The following SLAIN1 variants were observed in gnomAD, a reference collection of about 807,000 sequenced individuals.
The protein encoded by SLAIN1 is SLAIN motif-containing protein 1.
A neutral mutation model predicts 55.4 loss-of-function variants in SLAIN1; 17 were observed. The ratio of observed to expected loss-of-function variants is 0.31; its 90% CI spans 0.21 to 0.46. The LOEUF (loss-of-function observed/expected upper bound fraction) is 0.46, where lower values mean the gene tolerates loss of function less well. SLAIN1 is among the 20% of genes least tolerant of loss of function. SLAIN1 has a pLI of 1.00. For synonymous variants in SLAIN1, 348 were observed against 337.4 expected (o/e 1.03, Z -0.35); for missense variants, 682 against 785.1 (o/e 0.87, Z 1.57).
intron 4 of SLAIN1, among the ~76,000 whole-genome samples, chr13:77,748,811 A>G (rs1035235090): frequency 4.6e-5 from 7 of 152,164 alleles, no homozygotes; most frequent in African/African-American, 1.7e-4. Context: ...TCAACTGTCT[A>G]AGGTTCGGTT....
chr13:77,697,714 T>G lies in SLAIN1; in HGVS notation c.-200T>G. The G allele has an allele frequency of 3.6e-6, 1 of 275,850 alleles. No individual in the cohort carries two copies. The highest frequency in any genetic ancestry group is 6.2e-6 in the Non-Finnish European group (1 of 160,226). 17.1% of individuals were successfully genotyped at this position (275,850 alleles called of 1,614,324 possible). A position where few individuals can be genotyped will look rare whatever the true frequency, so the allele number is the denominator to read the frequency against. On this transcript the variant is annotated 5_prime_UTR_variant, in exon 1 of 7. Coordinates refer to ENST00000418532, the MANE Select transcript of SLAIN1 (RefSeq NM_001242868.2). ...GGACTGGAGGGACGCACTGAGCATG[T>G]GCAGATCAGCTCGGTGGTGGCTGCC...
At chr13:77,762,168 T>G (rs1392819766) in intron 6 of SLAIN1, among the ~76,000 whole-genome samples, 1 of 152,256 alleles carries the variant, frequency 6.6e-6, no homozygotes, top group Non-Finnish European at 1.5e-5. Context: ...TGTTTATTTA[T>G]TCAGTAAGTT....
intron 5 of SLAIN1, 120 bp downstream of exon 5, chr13:77,753,478 T>G: frequency 2.0e-6 from 1 of 509,848 alleles, no homozygotes; most frequent in Non-Finnish European, 2.8e-6. Flanking sequence ...ACACTAAACT[T>G]TTTTCCTTGC....
intron 3 of SLAIN1, 174 bp downstream of exon 3, chr13:77,744,606 G>A: frequency 1.1e-6 from 1 of 924,144 alleles, no homozygotes; most frequent in Non-Finnish European, 1.6e-6. Context: ...TCATGAGGTG[G>A]TAGGACTTAG....
rs536732313 is a variant in SLAIN1 at position 77,703,094 on chromosome 13, A to G, written c.626+4555A>G. ...AAATAAGTCAGCCAATATAAAATGC[A>G]GCCATATAAGGAGGCTTTATTTTAG... is the stretch of plus-strand genomic sequence containing the variant. On this transcript the variant is annotated intron_variant, in intron 1 of 6. Transcript: ENST00000418532. 3.4e-3 allele frequency among the ~76,000 whole-genome samples: 511 copies of G among 152,220 alleles called. 2 individuals carry two copies. Among genetic ancestry groups the G allele is most frequent in the Non-Finnish European group, 5.6e-3 (382 of 67,994 alleles).
chr13:77,760,586 C>T (rs1874938884), intron 5 of SLAIN1, among the ~76,000 whole-genome samples: 1 of 152,176 alleles, frequency 6.6e-6, no homozygotes, highest in African/African-American at 2.4e-5. Context: ...GGAGGCTGTG[C>T]TTAGAACTGG....
chr13:77,709,933 G>T lies in SLAIN1; in HGVS notation c.627-9599G>T, dbSNP rs192136681. On this transcript the variant is annotated intron_variant, in intron 1 of 6. Coordinates refer to ENST00000418532, the MANE Select transcript of SLAIN1 (RefSeq NM_001242868.2). Reference sequence around the variant, plus strand: ...TTACAGGCACCCACTACCAGGCCTGGGTAATTTTTTGTATTTTTAGTAGAG... The same window carrying T: ...TTACAGGCACCCACTACCAGGCCTGTGTAATTTTTTGTATTTTTAGTAGAG... Among the ~76,000 whole-genome samples, 474 of 152,116 alleles carry T rather than the reference G, an allele frequency of 3.1e-3. 1 individual carries two copies. The highest frequency in any genetic ancestry group is 0.01 in the Middle Eastern group (3 of 294).
In SLAIN1 at chr13:77,698,234, TGGCGGCAGCGGTAGTGGCAGC is replaced by T. The variant is rs1351035009; in HGVS notation, c.327_347del (p.Ser110_Gly116del). 5.2e-6 allele frequency: 7 copies of T among 1,341,284 alleles called. No homozygotes were observed. The highest frequency in any genetic ancestry group is 6.7e-6 in the Non-Finnish European group (7 of 1,042,880). 83.1% of individuals were successfully genotyped at this position (1,341,284 alleles called of 1,614,324 possible). On this transcript the variant is annotated inframe_deletion, in exon 1 of 7. Coordinates refer to ENST00000418532, the MANE Select transcript of SLAIN1 (RefSeq NM_001242868.2). This position sits in a 1 kb window ranked among gnomAD's most constrained non-coding sequence, Gnocchi z 4.1. Reference sequence around the variant, plus strand: ...GGCTGGCGCTGGGCGCGGGGGGCGGTGGCGGCAGCGGTAGTGGCAGCGGCGGTGGCTCCAGCCCCGCGTTCC... The same window carrying T: ...GGCTGGCGCTGGGCGCGGGGGGCGGTGGCGGTGGCTCCAGCCCCGCGTTCC...
intron 2 of SLAIN1, among the ~76,000 whole-genome samples, chr13:77,730,386 G>A (rs1222876145): frequency 6.6e-6 from 1 of 152,112 alleles, no homozygotes; most frequent in East Asian, 1.9e-4. Context: ...CATGGGTAAG[G>A]TTAGGCTTTA....
At position 77,719,688 on chromosome 13, in the gene SLAIN1, G is replaced by C. The variant is rs376357139; in HGVS notation, c.766+17G>C. ...TGGAGCAAGGTAATTGTGAGTGTGTGCATTTACATTCTCCAACTCTTGTCA... is the reference window on the plus strand; with the variant it reads ...TGGAGCAAGGTAATTGTGAGTGTGTCCATTTACATTCTCCAACTCTTGTCA... On this transcript the variant is annotated intron_variant, in intron 2 of 6. Transcript: ENST00000418532. 38 of 1,610,124 alleles carry C rather than the reference G, an allele frequency of 2.4e-5. No individual in the cohort carries two copies. In the African/African-American group the frequency reaches 4.8e-4, roughly 20 times the overall value.
Position 77,697,877 on chromosome 13 carries a change from G to C in SLAIN1, c.-37G>C. 7.7e-7 allele frequency: 1 copy of C among 1,299,234 alleles called. No individual in the cohort carries two copies. The highest frequency in any genetic ancestry group is 9.8e-7 in the Non-Finnish European group (1 of 1,022,940). The allele number at this position is 1,299,234 out of a possible 1,614,324, so 80.5% of individuals were successfully genotyped here. On this transcript the variant is annotated 5_prime_UTR_variant, in exon 1 of 7. Transcript: ENST00000418532. ...GCCCGAGGAGCCGGCGCGGCGGCGC[G>C]CACTCCCCGGCGGCCGCGGCGCCCT...
Position 77,763,401 on chromosome 13 carries a change from T to C in SLAIN1, c.*181T>C. On this transcript the variant is annotated 3_prime_UTR_variant, in exon 7 of 7. Coordinates refer to ENST00000418532, the MANE Select transcript of SLAIN1 (RefSeq NM_001242868.2). ...TAATTATTGCACTTAAATATTTGCC[T>C]GAGATACTGCAACATTCTCAAACCC... 1.7e-6 allele frequency: 1 copy of C among 585,466 alleles called. No homozygotes were observed. Among genetic ancestry groups the C allele is most frequent in the Non-Finnish European group, 3.0e-6 (1 of 331,034 alleles). The allele number at this position is 585,466 out of a possible 1,614,324, so 36.3% of individuals were successfully genotyped here. A position where few individuals can be genotyped will look rare whatever the true frequency, so the allele number is the denominator to read the frequency against.
chr13:77,738,364 G>A (rs367777958), intron 2 of SLAIN1, among the ~76,000 whole-genome samples: 7 of 151,920 alleles, frequency 4.6e-5, no homozygotes, highest in African/African-American at 9.7e-5. Flanking sequence ...AGGGAATGAG[G>A]GAGAATATAA....
rs146894472 is a variant in SLAIN1 at position 77,748,963 on chromosome 13, T to C, written c.1258+2108T>C. Among the ~76,000 whole-genome samples the C allele has an allele frequency of 3.9e-5, 6 of 152,332 alleles. No homozygotes were observed. In the East Asian group the frequency reaches 1.2e-3, roughly 29 times the overall value. The stretch of plus-strand genomic sequence containing the variant: ...GAAATAATGAATGTTACATTGCATG[T>C]AGCCTGGAGTGGATGTGCTAAATAA... On this transcript the variant is annotated intron_variant, in intron 4 of 6. Transcript: ENST00000418532.
At chr13:77,748,448 T>C (rs1400452967) in intron 4 of SLAIN1, among the ~76,000 whole-genome samples, 1 of 145,888 alleles carries the variant, frequency 6.9e-6, no homozygotes, top group African/African-American at 2.6e-5. Flanking sequence ...TAGAACATCG[T>C]AGTCAAGTTG....
At chr13:77,701,774 TTTA>T (rs2091033403) in intron 1 of SLAIN1, among the ~76,000 whole-genome samples, 1 of 151,954 alleles carries the variant, frequency 6.6e-6, no homozygotes, top group Admixed American at 6.6e-5. Flanking sequence ...TTATTTATTT[TTTA>T]TTATTATACT....
intron 5 of SLAIN1, among the ~76,000 whole-genome samples, chr13:77,757,313 G>A (rs184924920): frequency 1.3e-4 from 20 of 152,184 alleles, no homozygotes; most frequent in East Asian, 3.9e-4. Flanking sequence ...GAGATGATTC[G>A]TCAACCAAGA....
At chr13:77,712,173 C>T (rs913644485) in intron 1 of SLAIN1, among the ~76,000 whole-genome samples, 3 of 152,154 alleles carry the variant, frequency 2.0e-5, no homozygotes, top group African/African-American at 4.8e-5. Context: ...CAAAGATGCC[C>T]TCTCTCACCA....
In SLAIN1 at chr13:77,743,273, G is replaced by A. The variant is rs1273751010; in HGVS notation, c.767-1010G>A. On this transcript the variant is annotated intron_variant, in intron 2 of 6. Coordinates refer to ENST00000418532, the MANE Select transcript of SLAIN1 (RefSeq NM_001242868.2). ...AAGCTTGAGAATAATCTTAAGAGTG[G>A]AGAGTTTGTGCTGCACACTTACTTT... The A allele has an allele frequency of 5.3e-6, 5 of 940,196 alleles. No homozygotes were observed. In the South Asian group the frequency reaches 6.5e-5, roughly 12 times the overall value. The allele number at this position is 940,196 out of a possible 1,614,324, so 58.2% of individuals were successfully genotyped here. A position where few individuals can be genotyped will look rare whatever the true frequency, so the allele number is the denominator to read the frequency against.
Sources: gnomAD v4.1 joint callset for allele counts (sites outside exome capture counted in the v4.1 genomes callset) on GRCh38, gnomAD v4.1.1 for gene constraint, Gnocchi (gnomAD v3.1) non-coding constraint, MANE v1.5 for transcripts, NCBI Gene and HGNC (gene_info 2026-07-23, HGNC 2026-07-21) for gene names.